The following KALRN variants were observed in gnomAD, a reference collection of about 807,000 sequenced individuals.
KALRN encodes the protein kalirin.
In KALRN, 70 loss-of-function variants were observed where a neutral mutation model predicts 353.7. That is an observed-to-expected ratio of 0.20 (90% confidence interval 0.16 to 0.24). The LOEUF (loss-of-function observed/expected upper bound fraction) is 0.24, where lower values mean the gene tolerates loss of function less well. Among genes scored for constraint, KALRN ranks in the 10% least tolerant of loss-of-function variants. The pLI, the probability that KALRN is intolerant of heterozygous loss-of-function variation, is 1.00. For synonymous variants in KALRN, 1,391 were observed against 1,434.8 expected (o/e 0.97, Z 0.69); for missense variants, 2,791 against 3,756.7 (o/e 0.74, Z 6.72).
At chr3:124,564,831 T>C (rs971165715) in intron 34 of KALRN, among the ~76,000 whole-genome samples, 1 of 152,202 alleles carries the variant, frequency 6.6e-6, no homozygotes, top group Non-Finnish European at 1.5e-5. Context: ...TCCACTGACT[T>C]GTGAAGTCCA....
chr3:124,466,034 CTGTGTGTGTGTGTGTGTG>C (rs10639598), intron 25 of KALRN, among the ~76,000 whole-genome samples: 2 of 147,352 alleles, frequency 1.4e-5, no homozygotes, highest in African/African-American at 2.5e-5. Flanking sequence ...CTCTCTTGCT[CTGTGTGTGTGTGTGTGTG>C]TGTGTGTGTG....
At chr3:124,430,854 G>C (rs1466670599) in intron 16 of KALRN, 79 bp downstream of exon 16, 1 of 1,510,058 alleles carries the variant, frequency 6.6e-7, no homozygotes, top group African/African-American at 1.4e-5. Flanking sequence ...CTCAGGTGTG[G>C]GTGTTCCTTC....
At chr3:124,082,583 T>C (rs2060600829) in intron 1 of KALRN, among the ~76,000 whole-genome samples, 1 of 152,200 alleles carries the variant, frequency 6.6e-6, no homozygotes, top group Non-Finnish European at 1.5e-5. Flanking sequence ...TGTGCCCCTT[T>C]TGCAATCTGC....
chr3:124,446,909 C>T (rs1259039364), intron 21 of KALRN, 24 bp downstream of exon 21: 2 of 1,613,072 alleles, frequency 1.2e-6, no homozygotes, highest in South Asian at 2.2e-5. Flanking sequence ...CAGAGCCTCC[C>T]CCAGATCCAC....
At chr3:124,398,919 C>T (rs766465342) in intron 13 of KALRN, 48 bp downstream of exon 13, 22 of 1,551,246 alleles carry the variant, frequency 1.4e-5, no homozygotes, top group Non-Finnish European at 1.9e-5. Context: ...AGAAGTGCTT[C>T]CTGGCCAAGG....
intron 1 of KALRN, among the ~76,000 whole-genome samples, chr3:124,066,133 AG>A (rs1244173039): frequency 6.6e-6 from 1 of 152,116 alleles, no homozygotes; most frequent in Non-Finnish European, 1.5e-5. Context: ...TAGGTGGGAG[AG>A]CATATTAGAC....
intron 13 of KALRN, among the ~76,000 whole-genome samples, chr3:124,403,384 C>T (rs2150142857): frequency 6.6e-6 from 1 of 152,222 alleles, no homozygotes; most frequent in African/African-American, 2.4e-5. Context: ...GTTGGAAAGC[C>T]TTAGAAATGA....
intron 5 of KALRN, among the ~76,000 whole-genome samples, chr3:124,280,662 T>G (rs895384090): frequency 2.0e-5 from 3 of 152,194 alleles, no homozygotes; most frequent in Non-Finnish European, 4.4e-5. Flanking sequence ...CCAAGTTAGT[T>G]GATCTGAAAC....
chr3:124,719,211 A>G lies in KALRN; in HGVS notation c.8702A>G (p.His2901Arg), dbSNP rs751326872. Residue 2901 changes from histidine (H) to arginine (R), a missense_variant, in exon 60 of 60, where the codon CAT becomes CGT. Coordinates refer to ENST00000682506, the MANE Select transcript of KALRN (RefSeq NM_001388419.1). The surrounding 1 kb of genome is among the most constrained non-coding windows in gnomAD (Gnocchi z 5.3). ...NVCRVDFSFP[H>R]EYFCGVSNAA... ...TGCAGGGTGGATTTCAGCTTCCCCC[A>G]TGAATACTTCTGTGGTGTGAGCAAT... 7 of 1,614,246 alleles carry G rather than the reference A, an allele frequency of 4.3e-6. No homozygotes were observed. The highest frequency in any genetic ancestry group is 5.1e-6 in the Non-Finnish European group (6 of 1,180,034).
At chr3:124,173,153 G>T (rs1459202899) in intron 1 of KALRN, among the ~76,000 whole-genome samples, 2 of 152,164 alleles carry the variant, frequency 1.3e-5, no homozygotes, top group East Asian at 3.8e-4. Flanking sequence ...CTAGAAGGAA[G>T]TAAATTAAAA....
intron 47 of KALRN, among the ~76,000 whole-genome samples, chr3:124,670,183 A>G (rs1348177397): frequency 6.6e-6 from 1 of 152,196 alleles, no homozygotes; most frequent in Non-Finnish European, 1.5e-5. Flanking sequence ...AGGTTTTGCC[A>G]TGTTGGCCAT....
At position 124,244,789 on chromosome 3, in the gene KALRN, G is replaced by A. The variant is rs572828529; in HGVS notation, c.263+9846G>A. ...TAAACCTTTGTCTGTATCTTAAGTGGTTTCTTCGAGATAAATCTGTAGCAA... is the reference window on the plus strand; with the variant it reads ...TAAACCTTTGTCTGTATCTTAAGTGATTTCTTCGAGATAAATCTGTAGCAA... On this transcript the variant is annotated intron_variant, in intron 3 of 59. Coordinates refer to ENST00000682506, the MANE Select transcript of KALRN (RefSeq NM_001388419.1). Among the ~76,000 whole-genome samples, 3 of 152,036 alleles carry A rather than the reference G, an allele frequency of 2.0e-5. No homozygotes were observed. In the East Asian group the frequency reaches 5.8e-4, roughly 29 times the overall value.
intron 34 of KALRN, among the ~76,000 whole-genome samples, chr3:124,622,313 G>A (rs913742920): frequency 1.3e-5 from 2 of 152,116 alleles, no homozygotes; most frequent in African/African-American, 4.8e-5. Flanking sequence ...ATTAACACCA[G>A]GTGGACATTT....
intron 57 of KALRN, among the ~76,000 whole-genome samples, chr3:124,706,433 A>T (rs1389093737): frequency 6.6e-6 from 1 of 152,218 alleles, no homozygotes; most frequent in African/African-American, 2.4e-5. Flanking sequence ...GGGAACTCTA[A>T]CCAGCCCAAA....
At chr3:124,712,799 A>G in intron 57 of KALRN, 136 bp from the exon 58 acceptor site, 1 of 569,990 alleles carries the variant, frequency 1.8e-6, no homozygotes, top group East Asian at 3.1e-5. Context: ...GAATAACATT[A>G]TAATTAAAAA....
chr3:124,465,466 T>C (rs2060237597), intron 25 of KALRN, among the ~76,000 whole-genome samples: 1 of 152,182 alleles, frequency 6.6e-6, no homozygotes, highest in South Asian at 2.1e-4. Flanking sequence ...ATTTAATCTT[T>C]TGTTTGTAAA....
chr3:124,208,195 G>A (rs929160470), intron 1 of KALRN, among the ~76,000 whole-genome samples: 1 of 152,140 alleles, frequency 6.6e-6, no homozygotes, highest in Non-Finnish European at 1.5e-5. Flanking sequence ...CTTCTAACAC[G>A]CACATATGTA....
intron 37 of KALRN, among the ~76,000 whole-genome samples, chr3:124,646,064 A>C (rs964084282): frequency 6.6e-6 from 1 of 152,064 alleles, no homozygotes; most frequent in African/African-American, 2.4e-5. Context: ...CCATCCTAAC[A>C]GTTGTGATAT....
intron 33 of KALRN, among the ~76,000 whole-genome samples, chr3:124,513,975 A>G (rs899901471): frequency 1.3e-5 from 2 of 152,154 alleles, no homozygotes; most frequent in African/African-American, 4.8e-5. Flanking sequence ...TCAAAAGGAG[A>G]CCCTTCAGGC....
Sources: allele counts gnomAD v4.1 joint callset (sites outside exome capture counted in the v4.1 genomes callset), GRCh38; gene constraint gnomAD v4.1.1; non-coding constraint Gnocchi (gnomAD v3.1); transcripts MANE v1.5; gene names NCBI Gene and HGNC (gene_info 2026-07-23, HGNC 2026-07-21).